Variants in TPM4 observed in about 807,000 individuals in gnomAD.
The protein encoded by TPM4 is tropomyosin alpha-4 chain.
Under a neutral mutation model 35.8 loss-of-function variants are expected in TPM4, and 17 were observed. The ratio of observed to expected loss-of-function variants is 0.47; its 90% confidence interval spans 0.32 to 0.71. TPM4 has a LOEUF of 0.71. Among genes scored for constraint, TPM4 ranks in the 30% least tolerant of loss-of-function variants. The pLI is 0.03. For missense variants in TPM4, 240 were observed against 320.9 expected (o/e 0.75, Z 1.93); for synonymous variants, 120 against 122.9 (o/e 0.98, Z 0.15).
intron 7 of TPM4, chr19:16,095,232 G>C (rs1269900930): frequency 9.8e-7 from 1 of 1,017,020 alleles, no homozygotes; most frequent in East Asian, 6.7e-5. Flanking sequence ...CTGTACTTCT[G>C]AACTGTCTCC....
chr19:16,096,936 CTTTT>C (rs71178641), intron 7 of TPM4, among the ~76,000 whole-genome samples: 25 of 69,028 alleles, frequency 3.6e-4, no homozygotes, highest in African/African-American at 1.2e-3. Flanking sequence ...CAAGGTCACT[CTTTT>C]TTTTTTTTTT....
chr19:16,096,156 C>G (rs2090693502), intron 7 of TPM4, among the ~76,000 whole-genome samples: 1 of 152,146 alleles, frequency 6.6e-6, no homozygotes, highest in African/African-American at 2.4e-5. Context: ...GTCTCAAACT[C>G]CTGACCTTGT....
intron 2 of TPM4, among the ~76,000 whole-genome samples, chr19:16,068,364 C>T (rs773896812): frequency 2.6e-5 from 4 of 152,148 alleles, no homozygotes; most frequent in Non-Finnish European, 5.9e-5. Context: ...TTAGTAGAGA[C>T]CGGATTTCGC....
Position 16,101,537 on chromosome 19 carries a change from T to C in TPM4, c.*191T>C, listed in dbSNP as rs1242271525. On this transcript the variant is annotated 3_prime_UTR_variant, in exon 8 of 8. Transcript: ENST00000643579. Reference sequence around the variant, plus strand: ...CAGTTAAATCTCATTCCTTCCCTTTTTTTTTCAAATGGCACCAGCTTTTTC... The same window carrying C: ...CAGTTAAATCTCATTCCTTCCCTTTCTTTTTCAAATGGCACCAGCTTTTTC... 5 of 448,614 alleles carry C rather than the reference T, an allele frequency of 1.1e-5. No homozygotes were observed. The highest frequency in any genetic ancestry group is 2.0e-5 in the Non-Finnish European group (5 of 247,044). The allele number at this position is 448,614 out of a possible 1,614,324, so 27.8% of individuals were successfully genotyped here.
upstream of TPM4, chr19:16,076,210 A>G (rs1342882685): frequency 6.5e-6 from 10 of 1,550,042 alleles, no homozygotes; most frequent in South Asian, 4.8e-5. Flanking sequence ...CGGCGGGGCC[A>G]GGCCGGAGCC....
At chr19:16,077,557 C>T (rs2090426780) in intron 1 of TPM4, among the ~76,000 whole-genome samples, 1 of 152,192 alleles carries the variant, frequency 6.6e-6, no homozygotes, top group Non-Finnish European at 1.5e-5. Context: ...GTGGCACCGC[C>T]AGGGTCTGGG....
At chr19:16,075,764 T>G, upstream of TPM4, 1 of 345,004 alleles carries the variant, frequency 2.9e-6, no homozygotes. Flanking sequence ...ACATTTGGAG[T>G]CTTCAGTTTC....
At chr19:16,068,090 C>A (rs1400506381) in intron 2 of TPM4, 1 of 355,092 alleles carries the variant, frequency 2.8e-6, no homozygotes, top group African/African-American at 2.2e-5. Context: ...TGTGTATTTG[C>A]GTGTGTTTGA....
At chr19:16,077,507 C>T (rs1243011326) in intron 1 of TPM4, 2 of 152,194 alleles carry the variant, frequency 1.3e-5, no homozygotes, top group Non-Finnish European at 2.9e-5. Flanking sequence ...TTTCACCATC[C>T]TCTCTGCATC....
upstream of TPM4, among the ~76,000 whole-genome samples, chr19:16,071,962 C>T (rs1479930799): frequency 6.6e-6 from 1 of 152,188 alleles, no homozygotes; most frequent in African/African-American, 2.4e-5. Context: ...GGGACAATGA[C>T]GGGCACGCGC....
At chr19:16,078,105 C>T (rs2090435283) in intron 1 of TPM4, 1 of 398,540 alleles carries the variant, frequency 2.5e-6, no homozygotes, top group African/African-American at 2.1e-5. Context: ...GGGAAGAGCT[C>T]ATAGACAAAT....
chr19:16,089,013 A>T, intron 4 of TPM4, 32 bp from the exon 5 acceptor site: 4 of 1,613,816 alleles, frequency 2.5e-6, no homozygotes, highest in Non-Finnish European at 3.4e-6. Flanking sequence ...GTAAGGGAAG[A>T]TAAGACACAA....
At chr19:16,073,720 G>T (rs2090376013), upstream of TPM4, among the ~76,000 whole-genome samples, 1 of 151,930 alleles carries the variant, frequency 6.6e-6, no homozygotes, top group Non-Finnish European at 1.5e-5. Context: ...GACCCTTGCA[G>T]GTCACCTCAG....
rs930181462 is a variant in TPM4 at position 16,086,135 on chromosome 19, C to T, written c.267-288C>T. On this transcript the variant is annotated intron_variant, in intron 2 of 7. Coordinates refer to ENST00000643579, the MANE Select transcript of TPM4 (RefSeq NM_003290.3). ...AGAGTTCCATCTTTGCAGTGTGTTA[C>T]AGTGCTCAGTAGATTCAGAGACTCA... is the stretch of plus-strand genomic sequence containing the variant. Among the ~76,000 whole-genome samples the T allele has an allele frequency of 2.7e-5, 4 of 149,200 alleles. No individual in the cohort carries two copies. In the East Asian group the frequency reaches 7.9e-4, roughly 30 times the overall value.
chr19:16,095,357 G>C, intron 7 of TPM4: 1 of 1,036,320 alleles, frequency 9.6e-7, no homozygotes, highest in Non-Finnish European at 1.2e-6. Context: ...GAGGCAGCCA[G>C]GTCGCTGCCC....
chr19:16,084,375 C>T (rs1189278953), intron 2 of TPM4, among the ~76,000 whole-genome samples: 1 of 152,224 alleles, frequency 6.6e-6, no homozygotes, highest in East Asian at 1.9e-4. Context: ...GCTTCAGCCA[C>T]TGAATCAAGG....
upstream of TPM4, among the ~76,000 whole-genome samples, chr19:16,073,963 C>A (rs868841469): frequency 6.2e-3 from 441 of 71,532 alleles, no homozygotes; most frequent in Middle Eastern, 0.016. Flanking sequence ...AAAAAAAACG[C>A]AAAAAAAAAA....
At chr19:16,101,196 T>G in intron 7 of TPM4, 68 bp from the exon 8 acceptor site, 1 of 1,319,560 alleles carries the variant, frequency 7.6e-7, no homozygotes, top group Non-Finnish European at 1.0e-6. Flanking sequence ...AAACAAATCT[T>G]TTTTTTTCTT....
At chr19:16,090,498 C>T (rs1207039414) in intron 5 of TPM4, among the ~76,000 whole-genome samples, 3 of 151,850 alleles carry the variant, frequency 2.0e-5, no homozygotes, top group African/African-American at 4.8e-5. Context: ...AAGTGATCCT[C>T]CCACCTTGGC....
Sources: gnomAD v4.1 joint callset for allele counts (sites outside exome capture counted in the v4.1 genomes callset) on GRCh38, gnomAD v4.1.1 for gene constraint, MANE v1.5 for transcripts, NCBI Gene and HGNC (gene_info 2026-07-23, HGNC 2026-07-21) for gene names.